The following WDR75 variants were observed in gnomAD, a reference collection of about 807,000 sequenced individuals.
WDR75 encodes the protein WD repeat domain 75, also known as WD repeat-containing protein 75.
A neutral mutation model predicts 106.1 loss-of-function variants in WDR75; 52 were observed. The observed-to-expected ratio is 0.49, with a 90% CI of 0.39 to 0.62. WDR75 has a LOEUF of 0.62. Among genes scored for constraint, WDR75 ranks in the 20% least tolerant of loss-of-function variants. WDR75 has a pLI of 0.00. For synonymous variants in WDR75, 333 were observed against 335.5 expected (o/e 0.99, Z 0.08); for missense variants, 905 against 970.3 (o/e 0.93, Z 0.89).
chr2:189,469,279 G>T (rs1453820396), intron 15 of WDR75, 65 bp from the exon 16 acceptor site: 1 of 1,228,326 alleles, frequency 8.1e-7, no homozygotes, highest in Admixed American at 1.7e-5. Context: ...AAGAATAAGA[G>T]AAGTTTTTTA....
chr2:189,474,840 T>C (rs1423946906), intron 20 of WDR75, 32 bp downstream of exon 20: 1 of 1,541,086 alleles, frequency 6.5e-7, no homozygotes, highest in Non-Finnish European at 9.0e-7. Flanking sequence ...GTTTGGACAC[T>C]CTCTTTTGGG....
At chr2:189,463,659 T>C in intron 9 of WDR75, 35 bp from the exon 10 acceptor site, 2 of 1,610,750 alleles carry the variant, frequency 1.2e-6, no homozygotes, top group South Asian at 1.1e-5. Flanking sequence ...CTCTAACCTA[T>C]TGATATTTAA....
At position 189,474,294 on chromosome 2, in the gene WDR75, C is replaced by G; in HGVS notation, c.2158C>G (p.Gln720Glu). The change falls in exon 19 of 21, where the codon CAA becomes GAA. Residue 720 changes from glutamine to glutamate, a missense_variant. Transcript: ENST00000314761. ...LNETLENELV[Q>E]LPLTENIPAI... ...CGAAACTTTAGAGAATGAGCTGGTACAACTACCCTTAACAGAAAACATACC... is the reference window on the plus strand; with the variant it reads ...CGAAACTTTAGAGAATGAGCTGGTAGAACTACCCTTAACAGAAAACATACC... The G allele has an allele frequency of 6.2e-7, 1 of 1,613,532 alleles. No individual in the cohort carries two copies.
intron 10 of WDR75, 37 bp from the exon 11 acceptor site, chr2:189,463,809 C>A: frequency 6.2e-7 from 1 of 1,613,320 alleles, no homozygotes; most frequent in Non-Finnish European, 8.5e-7. Context: ...GTGCATATTT[C>A]TCTTATTTCA....
At chr2:189,458,699 C>T in intron 6 of WDR75, 54 bp from the exon 7 acceptor site, 1 of 1,422,106 alleles carries the variant, frequency 7.0e-7, no homozygotes, top group Non-Finnish European at 9.3e-7. Context: ...AACTACATCA[C>T]CACTTATCAA....
At chr2:189,474,164 T>C (rs1687166871) in intron 18 of WDR75, 22 bp from the exon 19 acceptor site, 2 of 1,594,262 alleles carry the variant, frequency 1.3e-6, no homozygotes, top group Non-Finnish European at 1.7e-6. Context: ...AAATAATTTC[T>C]CTTTGTCTTA....
At chr2:189,470,795 G>T in intron 17 of WDR75, 24 bp from the exon 18 acceptor site, 4 of 1,560,654 alleles carry the variant, frequency 2.6e-6, no homozygotes, top group African/African-American at 1.4e-5. Context: ...TTTGTCTTTT[G>T]CATCATTAAT....
At chr2:189,472,035 T>G (rs2105574994) in intron 18 of WDR75, among the ~76,000 whole-genome samples, 1 of 152,352 alleles carries the variant, frequency 6.6e-6, no homozygotes, top group East Asian at 1.9e-4. Flanking sequence ...TTTATTTTCC[T>G]TTAAAACTCA....
rs886669451 is a variant in WDR75, at chr2:189,475,412, C to T, written c.2488C>T (p.Leu830Phe). The stretch of plus-strand genomic sequence containing the variant: ...AATAGACTACAGCTGGATAGCTGCC[C>T]TTTAAGCCTTGGAGATGGGGAGGAT... The part of the protein sequence containing the change: ...RKIDYSWIAA[L>F] The change falls in exon 21 of 21, where the codon CTT becomes TTT. Residue 830 changes from leucine (L) to phenylalanine (F), a missense_variant. Coordinates refer to ENST00000314761, the MANE Select transcript of WDR75 (RefSeq NM_032168.3). 3.1e-6 allele frequency: 5 copies of T among 1,596,854 alleles called. No homozygotes were observed. In the Admixed American group the frequency reaches 5.3e-5, roughly 17 times the overall value.
chr2:189,461,975 T>G (rs994336997), intron 8 of WDR75, among the ~76,000 whole-genome samples: 1 of 152,244 alleles, frequency 6.6e-6, no homozygotes, highest in Non-Finnish European at 1.5e-5. Flanking sequence ...TCTATTCAAA[T>G]AATCATGGTG....
intron 15 of WDR75, 69 bp from the exon 16 acceptor site, chr2:189,469,275 A>G: frequency 1.7e-6 from 2 of 1,178,836 alleles, no homozygotes; most frequent in Non-Finnish European, 2.5e-6. Flanking sequence ...TCCTAAGAAT[A>G]AGAGAAGTTT....
intron 4 of WDR75, among the ~76,000 whole-genome samples, chr2:189,453,944 T>C (rs549859346): frequency 6.6e-6 from 1 of 152,342 alleles, no homozygotes; most frequent in East Asian, 1.9e-4. Flanking sequence ...TGGTATTATT[T>C]CTTGACTATG....
intron 9 of WDR75, among the ~76,000 whole-genome samples, chr2:189,463,384 T>G (rs1435774429): frequency 6.6e-6 from 1 of 152,184 alleles, no homozygotes; most frequent in Non-Finnish European, 1.5e-5. Flanking sequence ...TTGAACTTAC[T>G]GGGTTGTTTT....
At chr2:189,459,453 AC>A in intron 8 of WDR75, 29 bp downstream of exon 8, 1 of 1,566,968 alleles carries the variant, frequency 6.4e-7, no homozygotes, top group Non-Finnish European at 8.7e-7. Flanking sequence ...ATTAAAATGA[AC>A]TTTTGAAGAT....
At position 189,475,291 on chromosome 2, in the gene WDR75, C is replaced by A. The variant is rs535803074; in HGVS notation, c.2367C>A (p.Thr789=). The change falls in exon 21 of 21, where the codon ACC becomes ACA. Residue 789 remains threonine (T), a synonymous_variant. Coordinates refer to ENST00000314761, the MANE Select transcript of WDR75 (RefSeq NM_032168.3). ...ATTCAGATGAAGAAAATGATTTTAC[C>A]GAAAAAGTCCAGGATACAAGTAACA... is the stretch of plus-strand genomic sequence containing the variant. ...SEDSDEENDF[T]EKVQDTSNTG... is the part of the protein sequence containing the mutation. 4.5e-5 allele frequency: 73 copies of A among 1,612,046 alleles called. No homozygotes were observed. Among genetic ancestry groups the A allele is most frequent in the East Asian group, 6.7e-5 (3 of 44,720 alleles).
At chr2:189,459,558 G>GT in intron 8 of WDR75, 134 bp downstream of exon 8, 2 of 828,218 alleles carry the variant, frequency 2.4e-6, no homozygotes, top group Admixed American at 2.7e-5. Flanking sequence ...TGTTACCCCT[G>GT]TATTTTGGGC....
At chr2:189,472,301 A>G (rs1687133230) in intron 18 of WDR75, among the ~76,000 whole-genome samples, 1 of 152,196 alleles carries the variant, frequency 6.6e-6, no homozygotes, top group Non-Finnish European at 1.5e-5. Flanking sequence ...TAAACAGGGA[A>G]GTCTACGTAG....
chr2:189,456,062 T>C (rs1686729311), intron 5 of WDR75, among the ~76,000 whole-genome samples: 1 of 152,250 alleles, frequency 6.6e-6, no homozygotes, highest in African/African-American at 2.4e-5. Flanking sequence ...TGTAGCGGCA[T>C]GCTTCTTTAG....
rs1453022795 is a variant in WDR75, at chr2:189,462,473, T to C, written c.779-11T>C. 1.9e-6 allele frequency: 3 copies of C among 1,607,218 alleles called. No homozygotes were observed. The highest frequency in any genetic ancestry group is 2.7e-5 in the African/African-American group (2 of 74,598). ...ACACCATCCTTTTAATTTCCTTGAA[T>C]GGATATGAAGGCACCAGTCTGCTGA... On this transcript the variant is annotated splice_polypyrimidine_tract_variant and intron_variant, in intron 8 of 20. Coordinates refer to ENST00000314761, the MANE Select transcript of WDR75 (RefSeq NM_032168.3).
Sources: allele counts gnomAD v4.1 joint callset (sites outside exome capture counted in the v4.1 genomes callset), GRCh38; gene constraint gnomAD v4.1.1; transcripts MANE v1.5; gene names NCBI Gene and HGNC (gene_info 2026-07-23, HGNC 2026-07-21).